Variants in GOLGA4 observed in about 807,000 individuals in gnomAD.
The protein encoded by GOLGA4 is golgin subfamily A member 4.
Under a neutral mutation model 265.9 loss-of-function variants are expected in GOLGA4, and 169 were observed. That is an observed-to-expected ratio of 0.64 (90% CI 0.56 to 0.72). GOLGA4 has a LOEUF of 0.72. GOLGA4 is among the 30% of genes least tolerant of loss of function. The pLI is 0.00. For missense variants in GOLGA4, 2,482 were observed against 2,483.4 expected (o/e 1.00, Z 0.01); for synonymous variants, 923 against 855.8 (o/e 1.08, Z -1.37).
chr3:37,277,339 G>A (rs936026148), intron 2 of GOLGA4, among the ~76,000 whole-genome samples: 4 of 152,174 alleles, frequency 2.6e-5, no homozygotes, highest in African/African-American at 7.2e-5. Context: ...GAAGAACACT[G>A]TTGTAGTTTA....
At chr3:37,352,807 A>G (rs1216339847) in intron 21 of GOLGA4, among the ~76,000 whole-genome samples, 1 of 152,100 alleles carries the variant, frequency 6.6e-6, no homozygotes, top group Non-Finnish European at 1.5e-5. Flanking sequence ...TGTTCACTGA[A>G]GTAGCACTTT....
chr3:37,270,330 C>T (rs1341233828), intron 2 of GOLGA4, among the ~76,000 whole-genome samples: 3 of 151,206 alleles, frequency 2.0e-5, no homozygotes, highest in African/African-American at 4.9e-5. Flanking sequence ...CTCAGCCTCC[C>T]GAGTAGCTGG....
chr3:37,334,360 C>T (rs1465967318), intron 16 of GOLGA4, among the ~76,000 whole-genome samples: 1 of 152,038 alleles, frequency 6.6e-6, no homozygotes, highest in African/African-American at 2.4e-5. Context: ...GCACGTTGGA[C>T]AGTAACTCAT....
At chr3:37,264,298 A>G (rs549954787) in intron 2 of GOLGA4, among the ~76,000 whole-genome samples, 2 of 152,336 alleles carry the variant, frequency 1.3e-5, no homozygotes, top group African/African-American at 2.4e-5. Context: ...TTTAACATCC[A>G]TTCAAAGGAT....
chr3:37,295,237 A>G (rs1388706674), intron 6 of GOLGA4, among the ~76,000 whole-genome samples, 160 bp downstream of exon 6: 1 of 151,838 alleles, frequency 6.6e-6, no homozygotes, highest in African/African-American at 2.4e-5. Flanking sequence ...ATTTTTTTTG[A>G]GACAGAGTCT....
chr3:37,258,049 A>G (rs1454314797), intron 2 of GOLGA4, among the ~76,000 whole-genome samples: 7 of 44,860 alleles, frequency 1.6e-4, no homozygotes, highest in Admixed American at 4.5e-4. Flanking sequence ...ATACATACAT[A>G]TATATATGTA....
At chr3:37,312,298 C>A (rs1306598553) in intron 10 of GOLGA4, among the ~76,000 whole-genome samples, 1 of 152,170 alleles carries the variant, frequency 6.6e-6, no homozygotes, top group Non-Finnish European at 1.5e-5. Flanking sequence ...CAGAATCTTT[C>A]CCATAATTAG....
intron 23 of GOLGA4, among the ~76,000 whole-genome samples, chr3:37,362,259 C>T (rs572236495): frequency 1.1e-4 from 16 of 142,438 alleles, no homozygotes; most frequent in East Asian, 8.0e-4. Context: ...TTTTTTGAGA[C>T]GGAGTCTCGC....
rs372684142 is a variant in GOLGA4, at chr3:37,326,422, G to C, written c.4536G>C (p.Lys1512Asn). 2 of 1,612,426 alleles carry C rather than the reference G, an allele frequency of 1.2e-6. No individual in the cohort carries two copies. Among genetic ancestry groups the C allele is most frequent in the Non-Finnish European group, 1.7e-6 (2 of 1,178,974 alleles). ...MEDDKSKMEK[K>N]ESNLETELKS... The stretch of plus-strand genomic sequence containing the variant: ...ACGACAAGAGCAAGATGGAGAAAAA[G>C]GAGTCTAATTTAGAAACAGAGTTAA... The change falls in exon 14 of 24, where the codon AAG becomes AAC. Residue 1512 changes from lysine (K) to asparagine (N), a missense_variant. By Grantham distance (94) the Lys-to-Asn change is moderately conservative. Around this residue, in one of 3 missense-constraint regions of GOLGA4, gnomAD observed 942 missense variants for 983.1 expected, o/e 0.96. Transcript: ENST00000361924.
rs35252934 is a variant in GOLGA4, at chr3:37,265,117, TTGTG to T, written c.162+13661_162+13664del. Among the ~76,000 whole-genome samples, 853 of 147,634 alleles carry T rather than the reference TTGTG, an allele frequency of 5.8e-3. 9 individuals are homozygous for T. Among genetic ancestry groups the T allele is most frequent in the African/African-American group, 0.018 (740 of 40,170 alleles). On this transcript the variant is annotated intron_variant, in intron 2 of 23. Coordinates refer to ENST00000361924, the MANE Select transcript of GOLGA4 (RefSeq NM_002078.5). ...ATTTTACCAGTTTTACATGCTCATA[TTGTG>T]TGTGTGTGTGTGTGTGTGTGTGTGT...
intron 22 of GOLGA4, among the ~76,000 whole-genome samples, chr3:37,356,087 T>G (rs988741673): frequency 2.0e-5 from 3 of 152,130 alleles, no homozygotes; most frequent in African/African-American, 4.8e-5. Flanking sequence ...ACAGATTGTT[T>G]TCTTACAAAA....
At chr3:37,341,792 G>A (rs915542820) in intron 20 of GOLGA4, 2 of 152,060 alleles carry the variant, frequency 1.3e-5, no homozygotes, top group African/African-American at 4.8e-5. Flanking sequence ...AATTCCTTTT[G>A]TTATTTTCCA....
intron 2 of GOLGA4, among the ~76,000 whole-genome samples, chr3:37,267,345 T>A (rs920765781): frequency 1.3e-5 from 2 of 152,250 alleles, no homozygotes; most frequent in African/African-American, 4.8e-5. Context: ...GAAAAATTCG[T>A]TGTTATGTAA....
chr3:37,287,081 C>G (rs1461550886), intron 4 of GOLGA4, among the ~76,000 whole-genome samples: 1 of 152,240 alleles, frequency 6.6e-6, no homozygotes, highest in South Asian at 2.1e-4. Flanking sequence ...TGGCTCACGC[C>G]TGTAATCCCA....
intron 2 of GOLGA4, among the ~76,000 whole-genome samples, chr3:37,261,310 C>G (rs560586185): frequency 3.6e-4 from 55 of 152,162 alleles, no homozygotes; most frequent in Middle Eastern, 3.4e-3. Context: ...CTTGAGGCAC[C>G]CTTGCTGTTT....
At position 37,302,247 on chromosome 3, in the gene GOLGA4, A is replaced by G. The variant is rs1466310421; in HGVS notation, c.1149A>G (p.Glu383=). The change falls in exon 10 of 24, where the codon GAA becomes GAG. Residue 383 remains glutamate, a synonymous_variant. Coordinates refer to ENST00000361924, the MANE Select transcript of GOLGA4 (RefSeq NM_002078.5). ...AAACCCTGGAAATGAAAGAAGAAGA[A>G]ATTGCTCAACTCCGTAGTCGCATCA... ...MHETLEMKEE[E]IAQLRSRIKQ... is the part of the protein sequence containing the mutation. 1.2e-6 allele frequency: 2 copies of G among 1,613,172 alleles called. No individual in the cohort carries two copies. Among genetic ancestry groups the G allele is most frequent in the East Asian group, 4.5e-5 (2 of 44,868 alleles).
At chr3:37,250,243 G>A (rs1445079938) in intron 1 of GOLGA4, 11 of 152,040 alleles carry the variant, frequency 7.2e-5, no homozygotes, top group Non-Finnish European at 5.9e-5. Flanking sequence ...ATAGACTCTT[G>A]AATTTTTTGT....
Position 37,325,902 on chromosome 3 carries a change from C to T in GOLGA4, c.4016C>T (p.Ser1339Phe), listed in dbSNP as rs369913270. ...NQQQAASEKE[S>F]CITQLKKELS... ...CAACAGGCTGCTTCTGAAAAGGAGTCTTGTATAACACAGTTGAAGAAAGAG... is the reference window on the plus strand; with the variant it reads ...CAACAGGCTGCTTCTGAAAAGGAGTTTTGTATAACACAGTTGAAGAAAGAG... Residue 1339 changes from serine (S) to phenylalanine (F), a missense_variant, in exon 14 of 24, where the codon TCT becomes TTT. By Grantham distance (155) the Ser-to-Phe change is radical (BLOSUM62 -2). Around this residue, in one of 3 missense-constraint regions of GOLGA4, gnomAD observed 4 missense variants for 16.5 expected, o/e 0.24. Transcript: ENST00000361924. 1.2e-6 allele frequency: 2 copies of T among 1,613,202 alleles called. No individual in the cohort carries two copies. Among genetic ancestry groups the T allele is most frequent in the Non-Finnish European group, 1.7e-6 (2 of 1,179,520 alleles).
chr3:37,348,109 T>C (rs941529122), intron 21 of GOLGA4, among the ~76,000 whole-genome samples: 1 of 152,114 alleles, frequency 6.6e-6, no homozygotes, highest in Non-Finnish European at 1.5e-5. Context: ...AATGTATGGG[T>C]GTGTGGGAGT....
Sources: allele counts gnomAD v4.1 joint callset (sites outside exome capture counted in the v4.1 genomes callset), GRCh38; gene constraint gnomAD v4.1.1; regional missense constraint gnomAD v4.1.1; transcripts MANE v1.5; gene names NCBI Gene and HGNC (gene_info 2026-07-23, HGNC 2026-07-21).